The following ABI2 variants were observed in gnomAD, a reference collection of about 807,000 sequenced individuals.
ABI2 encodes abl interactor 2.
A neutral mutation model predicts 59.2 loss-of-function variants in ABI2; 25 were observed. The observed-to-expected ratio is 0.42, with a 90% CI of 0.31 to 0.59. The LOEUF (loss-of-function observed/expected upper bound fraction) is 0.59, where lower values mean the gene tolerates loss of function less well. ABI2 is among the 20% of genes least tolerant of loss of function. ABI2 has a pLI of 0.14. For synonymous variants in ABI2, 213 were observed against 235.5 expected (o/e 0.90, Z 0.87); for missense variants, 545 against 681.8 (o/e 0.80, Z 2.23).
intron 9 of ABI2, among the ~76,000 whole-genome samples, chr2:203,407,509 T>TA (rs1310675288): frequency 6.6e-6 from 1 of 152,216 alleles, no homozygotes; most frequent in African/African-American, 2.4e-5. Flanking sequence ...ATTGGACATC[T>TA]AAAATACAAG....
At chr2:203,363,992 G>C (rs1453900937) in intron 1 of ABI2, among the ~76,000 whole-genome samples, 2 of 151,812 alleles carry the variant, frequency 1.3e-5, no homozygotes, top group Non-Finnish European at 2.9e-5. Flanking sequence ...TCAAATGCCT[G>C]ACCTCAGGTG....
chr2:203,329,468 C>T (rs1014246267), intron 1 of ABI2, among the ~76,000 whole-genome samples: 2 of 148,360 alleles, frequency 1.3e-5, no homozygotes, highest in African/African-American at 5.0e-5. Flanking sequence ...CTGGATGAAG[C>T]AAAATATTCT....
intron 1 of ABI2, among the ~76,000 whole-genome samples, chr2:203,334,768 C>A (rs762199273): frequency 1.3e-5 from 2 of 151,670 alleles, no homozygotes; most frequent in Non-Finnish European, 2.9e-5. Flanking sequence ...TCAAGCAATT[C>A]TCCTGTCTCA....
At chr2:203,418,558 C>T (rs1030775016) in intron 11 of ABI2, among the ~76,000 whole-genome samples, 1 of 152,230 alleles carries the variant, frequency 6.6e-6, no homozygotes, top group Non-Finnish European at 1.5e-5. Flanking sequence ...TAGGCTTCTC[C>T]GTAGGGCAGC....
At position 203,348,904 on chromosome 2, in the gene ABI2, G is replaced by A. The variant is rs181669791; in HGVS notation, c.118-17973G>A. The stretch of plus-strand genomic sequence containing the variant: ...ACAAAGCCCCCTGAACCTTGCTGAA[G>A]GTGTTTTTTTTTGTTTTTTGTTTGT... On this transcript the variant is annotated intron_variant, in intron 1 of 11. Coordinates refer to ENST00000261018, the MANE Select transcript of ABI2 (RefSeq NM_001375670.1). Among the ~76,000 whole-genome samples, 47 of 151,900 alleles carry A rather than the reference G, an allele frequency of 3.1e-4. No homozygotes were observed. In the East Asian group the frequency reaches 6.2e-3, roughly 20 times the overall value.
Position 203,417,052 on chromosome 2 carries a change from C to T in ABI2, c.1424C>T (p.Pro475Leu), listed in dbSNP as rs749880507. ...YSDPYAEEDPPWAPRSYLEKV... is the reference protein window; with the variant it reads ...YSDPYAEEDPLWAPRSYLEKV... ...GATCCTTATGCTGAAGAGGACCCAC[C>T]GTGGGCTCCACGTTCTTACTTGGAA... is the stretch of plus-strand genomic sequence containing the variant. The change falls in exon 11 of 12, where the codon CCG becomes CTG. Residue 475 changes from proline (P) to leucine (L), a missense_variant. By Grantham distance (98) the Pro-to-Leu change is moderately conservative (BLOSUM62 -3). Transcript: ENST00000261018. 5.0e-6 allele frequency: 8 copies of T among 1,612,038 alleles called. No homozygotes were observed. The highest frequency in any genetic ancestry group is 2.7e-5 in the African/African-American group (2 of 74,836).
At chr2:203,391,593 G>A (rs2096742307) in intron 5 of ABI2, among the ~76,000 whole-genome samples, 1 of 152,052 alleles carries the variant, frequency 6.6e-6, no homozygotes, top group Non-Finnish European at 1.5e-5. Flanking sequence ...GACCAAAGCG[G>A]GCAGATCACT....
chr2:203,341,823 T>C (rs2080103656), intron 1 of ABI2, among the ~76,000 whole-genome samples: 1 of 152,246 alleles, frequency 6.6e-6, no homozygotes, highest in Non-Finnish European at 1.5e-5. Context: ...AATGTAGATA[T>C]GGCCAACAGA....
intron 8 of ABI2, among the ~76,000 whole-genome samples, chr2:203,402,146 C>T (rs1404469399): frequency 2.0e-5 from 3 of 152,164 alleles, no homozygotes; most frequent in Admixed American, 6.5e-5. Context: ...GTGATTCTTA[C>T]GCCTCAGCCT....
At chr2:203,353,639 C>G (rs1196135757) in intron 1 of ABI2, among the ~76,000 whole-genome samples, 1 of 152,154 alleles carries the variant, frequency 6.6e-6, no homozygotes, top group African/African-American at 2.4e-5. Context: ...GCCACCACGC[C>G]TGGCTGGTGG....
intron 1 of ABI2, among the ~76,000 whole-genome samples, chr2:203,340,837 C>G (rs942770558): frequency 6.6e-6 from 1 of 151,918 alleles, no homozygotes; most frequent in African/African-American, 2.4e-5. Context: ...AAAAAAAACC[C>G]AAAGCAAACT....
intron 1 of ABI2, among the ~76,000 whole-genome samples, chr2:203,339,268 T>C (rs2078454688): frequency 6.6e-6 from 1 of 151,236 alleles, no homozygotes; most frequent in Admixed American, 6.6e-5. Context: ...AGAATGTAAA[T>C]TGGAACAGCC....
intron 9 of ABI2, among the ~76,000 whole-genome samples, chr2:203,403,745 T>TTG (rs2097315407): frequency 7.0e-6 from 1 of 142,858 alleles, no homozygotes. Flanking sequence ...TCTTTCTGTT[T>TTG]TTTTTTTTTT....
At chr2:203,425,235 T>C (rs1365533977) in intron 11 of ABI2, among the ~76,000 whole-genome samples, 1 of 152,078 alleles carries the variant, frequency 6.6e-6, no homozygotes, top group Non-Finnish European at 1.5e-5. Flanking sequence ...TTTATTTTTC[T>C]TTTTTGAGAC....
chr2:203,355,240 C>T lies in ABI2; in HGVS notation c.118-11637C>T, dbSNP rs1330634299. 3 of 372,356 alleles carry T rather than the reference C, an allele frequency of 8.1e-6. No individual in the cohort carries two copies. In the East Asian group the frequency reaches 2.2e-4, roughly 28 times the overall value. 23.1% of individuals were successfully genotyped at this position (372,356 alleles called of 1,614,324 possible). A position where few individuals can be genotyped will look rare whatever the true frequency, so the allele number is the denominator to read the frequency against. ...AAAAAAAGAAGACTGGGTACGGTGG[C>T]TCATTCCTGTAATCCTAGCACTTTG... On this transcript the variant is annotated intron_variant, in intron 1 of 11. Transcript: ENST00000261018.
chr2:203,342,242 A>G (rs1388028722), intron 1 of ABI2: 2 of 455,330 alleles, frequency 4.4e-6, no homozygotes, highest in Non-Finnish European at 8.8e-6. Context: ...TAAGTAACTC[A>G]TGGACCAAGT....
intron 1 of ABI2, among the ~76,000 whole-genome samples, chr2:203,355,596 GA>G (rs2091494893): frequency 6.6e-6 from 1 of 151,962 alleles, no homozygotes; most frequent in African/African-American, 2.4e-5. Flanking sequence ...TTGGGAGGCT[GA>G]GGTGGGCGGA....
At chr2:203,421,114 G>A (rs888033311) in intron 11 of ABI2, among the ~76,000 whole-genome samples, 1 of 152,254 alleles carries the variant, frequency 6.6e-6, no homozygotes, top group South Asian at 2.1e-4. Context: ...TTTTAAAAAG[G>A]TTAATGATAA....
At chr2:203,421,735 G>A (rs180853415) in intron 11 of ABI2, among the ~76,000 whole-genome samples, 1 of 152,198 alleles carries the variant, frequency 6.6e-6, no homozygotes, top group Admixed American at 6.5e-5. Context: ...GGGAGGCCAA[G>A]GCCGGCAGAT....
Sources: gnomAD v4.1 joint callset for allele counts (sites outside exome capture counted in the v4.1 genomes callset) on GRCh38, gnomAD v4.1.1 for gene constraint, MANE v1.5 for transcripts, NCBI Gene and HGNC (gene_info 2026-07-23, HGNC 2026-07-21) for gene names.